Variants in SNTG1 observed in about 807,000 individuals in gnomAD.
The protein encoded by SNTG1 is gamma-1-syntrophin.
In SNTG1, 39 loss-of-function variants were observed where a neutral mutation model predicts 74.7. That is an observed-to-expected ratio of 0.52 (90% CI 0.40 to 0.68). The LOEUF (loss-of-function observed/expected upper bound fraction) is 0.68, where lower values mean the gene tolerates loss of function less well. Among genes scored for constraint, SNTG1 ranks in the 30% least tolerant of loss-of-function variants. SNTG1 has a pLI of 0.00. For missense variants in SNTG1, 685 were observed against 609.5 expected, an observed-to-expected ratio of 1.12 and a Z score of -1.30; for synonymous variants, 254 against 217.1, an observed-to-expected ratio of 1.17 and a Z score of -1.49.
At chr8:50,462,113 C>A (rs1293890945) in intron 8 of SNTG1, among the ~76,000 whole-genome samples, 1 of 151,832 alleles carries the variant, frequency 6.6e-6, no homozygotes, top group East Asian at 1.9e-4. Flanking sequence ...CCCATGTAAC[C>A]AAAAGCCAGC....
At chr8:50,620,990 C>A (rs1377439778) in intron 13 of SNTG1, among the ~76,000 whole-genome samples, 1 of 151,596 alleles carries the variant, frequency 6.6e-6, no homozygotes, top group Non-Finnish European at 1.5e-5. Flanking sequence ...GCCATCAGAG[C>A]AAGGGGGTTG....
At chr8:50,009,735 C>G (rs749509806) in intron 1 of SNTG1, among the ~76,000 whole-genome samples, 1 of 152,140 alleles carries the variant, frequency 6.6e-6, no homozygotes, top group East Asian at 1.9e-4. Flanking sequence ...TGGTGGCTCA[C>G]GCCTATAATC....
chr8:50,425,080 A>G (rs2093144467), intron 4 of SNTG1, among the ~76,000 whole-genome samples: 1 of 152,232 alleles, frequency 6.6e-6, no homozygotes, highest in African/African-American at 2.4e-5. Context: ...TCACAAGTAT[A>G]TTATTTAGAA....
At chr8:50,149,534 T>G (rs1035811148) in intron 1 of SNTG1, among the ~76,000 whole-genome samples, 1 of 152,338 alleles carries the variant, frequency 6.6e-6, no homozygotes, top group Admixed American at 6.5e-5. Context: ...GGTCTAACAT[T>G]TAAGTCTTCA....
intron 1 of SNTG1, among the ~76,000 whole-genome samples, chr8:50,142,292 C>T (rs1011892970): frequency 6.6e-6 from 1 of 151,892 alleles, no homozygotes; most frequent in African/African-American, 2.4e-5. Context: ...ACCCAGACTA[C>T]AGTTAAGATG....
At chr8:50,038,428 C>T (rs1176251794) in intron 1 of SNTG1, among the ~76,000 whole-genome samples, 1 of 152,166 alleles carries the variant, frequency 6.6e-6, no homozygotes, top group East Asian at 1.9e-4. Flanking sequence ...ACAAGCAACT[C>T]TATCACTCCT....
intron 1 of SNTG1, among the ~76,000 whole-genome samples, chr8:49,938,598 TTTTCTTTTCTTTC>T (rs1808343460): frequency 7.9e-5 from 1 of 12,690 alleles, no homozygotes; most frequent in African/African-American, 1.8e-4. Flanking sequence ...TTTTCTTTTC[TTTTCTTTTCTTTC>T]TTTCTTTCTT....
At chr8:50,291,665 T>C (rs1237938196) in intron 2 of SNTG1, among the ~76,000 whole-genome samples, 2 of 152,084 alleles carry the variant, frequency 1.3e-5, no homozygotes, top group African/African-American at 4.8e-5. Context: ...TATGATAAAA[T>C]GACTGTCTTT....
At chr8:50,466,890 T>G (rs1422432637) in intron 8 of SNTG1, among the ~76,000 whole-genome samples, 1 of 152,016 alleles carries the variant, frequency 6.6e-6, no homozygotes, top group African/African-American at 2.4e-5. Flanking sequence ...CCTTCTACCT[T>G]GCTATACTTC....
chr8:50,604,042 T>C (rs750237600), intron 13 of SNTG1, among the ~76,000 whole-genome samples: 6 of 152,140 alleles, frequency 3.9e-5, no homozygotes, highest in East Asian at 1.9e-4. Flanking sequence ...AAGGGTAATG[T>C]CTTGTACTTC....
At chr8:50,228,718 T>G (rs1275394952) in intron 2 of SNTG1, among the ~76,000 whole-genome samples, 11 of 151,766 alleles carry the variant, frequency 7.2e-5, no homozygotes, top group Admixed American at 7.2e-4. Flanking sequence ...AATAAAGACC[T>G]TCTTAGACAA....
At chr8:50,355,876 C>T (rs1030980898) in intron 2 of SNTG1, among the ~76,000 whole-genome samples, 2 of 152,106 alleles carry the variant, frequency 1.3e-5, no homozygotes, top group Admixed American at 6.6e-5. Flanking sequence ...CTTACCGTGG[C>T]TTTTAGACTG....
At position 50,012,050 on chromosome 8, in the gene SNTG1, A is replaced by G. The variant is rs569296744; in HGVS notation, c.-103+99819A>G. Among the ~76,000 whole-genome samples, 101 of 152,306 alleles carry G rather than the reference A, an allele frequency of 6.6e-4. 1 individual carries two copies. The highest frequency in any genetic ancestry group is 2.9e-3 in the South Asian group (14 of 4,818). ...GAATTCAGCTTTTTGCACATTTAGA[A>G]GCCACATTAAATATGTCTGTGGCAA... On this transcript the variant is annotated intron_variant, in intron 1 of 18. Transcript: ENST00000642720.
intron 2 of SNTG1, among the ~76,000 whole-genome samples, chr8:50,281,764 T>C (rs1223653304): frequency 1.3e-5 from 2 of 152,240 alleles, no homozygotes; most frequent in African/African-American, 2.4e-5. Context: ...CATTGGTTTC[T>C]TTGCAAATTA....
intron 8 of SNTG1, among the ~76,000 whole-genome samples, chr8:50,480,501 A>G (rs1229672761): frequency 6.6e-6 from 1 of 152,220 alleles, no homozygotes; most frequent in Non-Finnish European, 1.5e-5. Flanking sequence ...AGGCTAATTA[A>G]CAAGCTCCCG....
At chr8:50,380,116 CT>C (rs1408346041) in intron 2 of SNTG1, among the ~76,000 whole-genome samples, 1 of 152,154 alleles carries the variant, frequency 6.6e-6, no homozygotes, top group East Asian at 1.9e-4. Flanking sequence ...AGTTATGCCA[CT>C]ATTATATTGA....
chr8:50,332,313 G>A (rs1453224304), intron 2 of SNTG1, among the ~76,000 whole-genome samples: 5 of 152,082 alleles, frequency 3.3e-5, no homozygotes, highest in African/African-American at 1.2e-4. Context: ...GAGTTTTGGA[G>A]AGTTAAAAAC....
chr8:50,282,939 T>C (rs765112418), intron 2 of SNTG1, among the ~76,000 whole-genome samples: 10 of 152,176 alleles, frequency 6.6e-5, no homozygotes, highest in African/African-American at 9.7e-5. Context: ...AATAACCATA[T>C]TGCCATGAAA....
intron 2 of SNTG1, among the ~76,000 whole-genome samples, chr8:50,275,210 A>T (rs1322344364): frequency 6.6e-6 from 1 of 151,984 alleles, no homozygotes; most frequent in Non-Finnish European, 1.5e-5. Context: ...TTAGTTATTG[A>T]TTTATTTTCT....
Sources: allele counts gnomAD v4.1 joint callset (sites outside exome capture counted in the v4.1 genomes callset), GRCh38; gene constraint gnomAD v4.1.1; transcripts MANE v1.5; gene names NCBI Gene and HGNC (gene_info 2026-07-23, HGNC 2026-07-21).